EFR3B: variants seen among roughly 807,000 people sequenced by gnomAD.
EFR3B encodes the protein protein EFR3 homolog B.
Under a neutral mutation model 104.7 loss-of-function variants are expected in EFR3B, and 64 were observed. The ratio of observed to expected loss-of-function variants is 0.61; its 90% CI spans 0.50 to 0.75. The LOEUF is 0.75. Among genes scored for constraint, EFR3B ranks in the 30% least tolerant of loss-of-function variants. EFR3B has a pLI of 0.00. For missense variants in EFR3B, 750 were observed against 1,078.5 expected, an observed-to-expected ratio of 0.70 and a Z score of 4.27; for synonymous variants, 385 against 417.9, an observed-to-expected ratio of 0.92 and a Z score of 0.96.
Position 25,042,346 on chromosome 2 carries a change from G to C in EFR3B, c.7+27G>C. On this transcript the variant is annotated intron_variant, in intron 1 of 22. Coordinates refer to ENST00000403714, the MANE Select transcript of EFR3B (RefSeq NM_014971.2). This position sits in a 1 kb window ranked among gnomAD's most constrained non-coding sequence, Gnocchi z 5.4. Reference sequence around the variant, plus strand: ...TAAGGAGGGCTCCGCGCCCGGGCCCGGGCCCGCGGGGGCGACTCCGCAAAC... The same window carrying C: ...TAAGGAGGGCTCCGCGCCCGGGCCCCGGCCCGCGGGGGCGACTCCGCAAAC... 8.0e-7 allele frequency: 1 copy of C among 1,257,020 alleles called. No individual in the cohort carries two copies. Among genetic ancestry groups the C allele is most frequent in the Non-Finnish European group, 1.0e-6 (1 of 999,646 alleles). 77.9% of individuals were successfully genotyped at this position (1,257,020 alleles called of 1,614,324 possible).
chr2:25,090,941 A>AGTGT (rs1291223695), intron 1 of EFR3B, among the ~76,000 whole-genome samples: 4 of 152,078 alleles, frequency 2.6e-5, no homozygotes, highest in Non-Finnish European at 5.9e-5. Flanking sequence ...CGGAAACGTG[A>AGTGT]GTGTGTGTCT....
Position 25,137,585 on chromosome 2 carries a change from T to G in EFR3B, c.1722+83T>G, listed in dbSNP as rs1399560582. 2.0e-6 allele frequency: 3 copies of G among 1,520,702 alleles called. No individual in the cohort carries two copies. In the African/African-American group the frequency reaches 4.1e-5, roughly 21 times the overall value. The allele number at this position is 1,520,702 out of a possible 1,614,324, so 94.2% of individuals were successfully genotyped here. A position where few individuals can be genotyped will look rare whatever the true frequency, so the allele number is the denominator to read the frequency against. ...GGCAAGCCCTGATAAGAGTATTGAC[T>G]AGCAACTGCTTAACACTGTTTTGGA... On this transcript the variant is annotated intron_variant, in intron 15 of 22. Coordinates refer to ENST00000403714, the MANE Select transcript of EFR3B (RefSeq NM_014971.2). This position sits in a 1 kb window ranked among gnomAD's most constrained non-coding sequence, Gnocchi z 4.7.
intron 1 of EFR3B, among the ~76,000 whole-genome samples, chr2:25,082,431 C>T (rs1308227938): frequency 1.3e-5 from 2 of 152,186 alleles, no homozygotes; most frequent in African/African-American, 2.4e-5. Flanking sequence ...TCAGGAGCTA[C>T]AGGTGTTGGC....
At position 25,076,784 on chromosome 2, in the gene EFR3B, A is replaced by C. The variant is rs538957118; in HGVS notation, c.8-14541A>C. Among the ~76,000 whole-genome samples, 4 of 152,312 alleles carry C rather than the reference A, an allele frequency of 2.6e-5. No individual in the cohort carries two copies. The South Asian group carries it at 8.3e-4, about 32-fold the overall frequency. On this transcript the variant is annotated intron_variant, in intron 1 of 22. Transcript: ENST00000403714. ...AATCCCCATCCTCAATTAAGGTGGCAATCAGATTAACCAAGATTGGCCGGA... is the reference window on the plus strand; with the variant it reads ...AATCCCCATCCTCAATTAAGGTGGCCATCAGATTAACCAAGATTGGCCGGA...
rs1047687955 is a variant in EFR3B at position 25,149,749 on chromosome 2, C to A, written c.2191+7C>A. ...ACACTGAAGAAAGCCATTGGTAAGT[C>A]AGGGCAAAGGGACTCTGGTTAGAGG... is the stretch of plus-strand genomic sequence containing the variant. On this transcript the variant is annotated splice_region_variant and intron_variant, in intron 20 of 22. Transcript: ENST00000403714. 1.1e-5 allele frequency: 17 copies of A among 1,551,318 alleles called. No homozygotes were observed. The African/African-American group carries it at 2.2e-4, about 20-fold the overall frequency.
At chr2:25,151,115 T>G (rs1670995341) in intron 20 of EFR3B, among the ~76,000 whole-genome samples, 1 of 152,094 alleles carries the variant, frequency 6.6e-6, no homozygotes, top group South Asian at 2.1e-4. Flanking sequence ...CACCCCTTTT[T>G]CTTCTTGGTG....
chr2:25,133,603 G>A (rs1329030822), intron 12 of EFR3B, among the ~76,000 whole-genome samples, 169 bp downstream of exon 12: 3 of 152,198 alleles, frequency 2.0e-5, no homozygotes, highest in Non-Finnish European at 2.9e-5. Context: ...CACTAGCCAG[G>A]CTGGGCACCC....
At chr2:25,140,412 C>T (rs990908404) in intron 16 of EFR3B, among the ~76,000 whole-genome samples, 4 of 152,100 alleles carry the variant, frequency 2.6e-5, no homozygotes, top group Non-Finnish European at 4.4e-5. Context: ...GGGAGGGTGC[C>T]GTGACTGTGA....
intron 1 of EFR3B, among the ~76,000 whole-genome samples, chr2:25,049,257 C>A (rs1667802602): frequency 6.6e-6 from 1 of 152,154 alleles, no homozygotes. Context: ...TGAAACACTT[C>A]TTTGTCTTCT....
intron 1 of EFR3B, among the ~76,000 whole-genome samples, chr2:25,065,212 G>T (rs1252899743): frequency 6.6e-6 from 1 of 151,988 alleles, no homozygotes; most frequent in Non-Finnish European, 1.5e-5. Context: ...ACAAGGTCTC[G>T]CTCTGTCACC....
intron 2 of EFR3B, 83 bp downstream of exon 2, chr2:25,091,484 C>A: frequency 1.5e-6 from 2 of 1,306,612 alleles, no homozygotes; most frequent in Non-Finnish European, 2.1e-6. Flanking sequence ...GCCAGGCCTC[C>A]TGCCGGGTGG....
At chr2:25,051,682 C>G (rs1441638185) in intron 1 of EFR3B, among the ~76,000 whole-genome samples, 1 of 145,794 alleles carries the variant, frequency 6.9e-6, no homozygotes, top group Non-Finnish European at 1.5e-5. Context: ...GTCGCCCAGG[C>G]TGGAGCTCAG....
chr2:25,109,836 G>A (rs975952805), intron 4 of EFR3B, among the ~76,000 whole-genome samples: 4 of 152,124 alleles, frequency 2.6e-5, no homozygotes, highest in African/African-American at 9.7e-5. Context: ...ACTTTAAAAT[G>A]GCTAATTTTA....
chr2:25,103,083 C>T (rs1056760826), intron 3 of EFR3B, among the ~76,000 whole-genome samples: 1 of 152,194 alleles, frequency 6.6e-6, no homozygotes, highest in Non-Finnish European at 1.5e-5. Context: ...CATCTCTCTC[C>T]ATCCTTGGAA....
rs375615620 is a variant in EFR3B, at chr2:25,141,446, C to T, written c.1922+13C>T. The T allele has an allele frequency of 8.9e-5, 138 of 1,550,524 alleles. No individual in the cohort carries two copies. Among genetic ancestry groups the T allele is most frequent in the African/African-American group, 1.9e-4 (14 of 73,084 alleles). ...TGGAGAGGCCCAGGTGAGGAGAGGACGGGGGACGTGGTCAGGGATCCCCAG... is the reference window on the plus strand; with the variant it reads ...TGGAGAGGCCCAGGTGAGGAGAGGATGGGGGACGTGGTCAGGGATCCCCAG... On this transcript the variant is annotated intron_variant, in intron 17 of 22. Coordinates refer to ENST00000403714, the MANE Select transcript of EFR3B (RefSeq NM_014971.2).
chr2:25,115,384 C>G (rs1165500728), intron 4 of EFR3B, among the ~76,000 whole-genome samples: 1 of 152,170 alleles, frequency 6.6e-6, no homozygotes, highest in Non-Finnish European at 1.5e-5. Flanking sequence ...CTCAGCTCCA[C>G]CTGTCGCAAG....
At chr2:25,115,249 T>C (rs1342162010) in intron 4 of EFR3B, among the ~76,000 whole-genome samples, 1 of 152,160 alleles carries the variant, frequency 6.6e-6, no homozygotes, top group African/African-American at 2.4e-5. Context: ...TTCAGTAGGA[T>C]GGCAGTAGGC....
chr2:25,051,932 A>G (rs1018882453), intron 1 of EFR3B, among the ~76,000 whole-genome samples: 80 of 148,946 alleles, frequency 5.4e-4, no homozygotes, highest in African/African-American at 1.9e-3. Flanking sequence ...TCGGTGGCTG[A>G]CTCCTGTAAT....
At chr2:25,088,727 T>A (rs1327480784) in intron 1 of EFR3B, among the ~76,000 whole-genome samples, 2 of 152,164 alleles carry the variant, frequency 1.3e-5, no homozygotes, top group African/African-American at 4.8e-5. Flanking sequence ...AGAATGTTGT[T>A]ACTTGTTCCA....
Sources: gnomAD v4.1 joint callset for allele counts (sites outside exome capture counted in the v4.1 genomes callset) on GRCh38, gnomAD v4.1.1 for gene constraint, Gnocchi (gnomAD v3.1) non-coding constraint, MANE v1.5 for transcripts, NCBI Gene and HGNC (gene_info 2026-07-23, HGNC 2026-07-21) for gene names.